BMPR1B: variants seen among roughly 807,000 people sequenced by gnomAD.
BMPR1B encodes bone morphogenetic protein receptor type-1B.
Under a neutral mutation model 59.1 loss-of-function variants are expected in BMPR1B, and 12 were observed. That is an observed-to-expected ratio of 0.20 (90% CI 0.13 to 0.33). BMPR1B has a LOEUF of 0.33. BMPR1B is among the 10% of genes least tolerant of loss of function. BMPR1B has a pLI of 1.00. For synonymous variants in BMPR1B, 237 were observed against 207.3 expected (o/e 1.14, Z -1.23); for missense variants, 550 against 610.9 (o/e 0.90, Z 1.05).
chr4:95,052,351 G>A (rs754278996), intron 3 of BMPR1B, among the ~76,000 whole-genome samples: 9 of 152,176 alleles, frequency 5.9e-5, no homozygotes, highest in Non-Finnish European at 1.2e-4. Context: ...TATAGAAAAT[G>A]TTAAAGCTTA....
At chr4:95,043,445 C>G (rs1725814653) in intron 3 of BMPR1B, among the ~76,000 whole-genome samples, 1 of 152,136 alleles carries the variant, frequency 6.6e-6, no homozygotes, top group African/African-American at 2.4e-5. Flanking sequence ...GAATTCTCTT[C>G]CTACTCTTTT....
At chr4:95,128,667 C>G (rs1330115330) in intron 8 of BMPR1B, among the ~76,000 whole-genome samples, 2 of 152,072 alleles carry the variant, frequency 1.3e-5, no homozygotes. Flanking sequence ...CTCTTATTAA[C>G]TTTTCTCTCT....
intron 2 of BMPR1B, among the ~76,000 whole-genome samples, chr4:94,982,859 C>T (rs1431117969): frequency 3.3e-5 from 5 of 151,974 alleles, no homozygotes; most frequent in African/African-American, 1.2e-4. Flanking sequence ...ATGGTGGGCG[C>T]CTGTAGTCCC....
chr4:94,900,487 A>G (rs1727769104), intron 2 of BMPR1B, among the ~76,000 whole-genome samples: 1 of 152,060 alleles, frequency 6.6e-6, no homozygotes, highest in African/African-American at 2.4e-5. Context: ...TGATGACTTC[A>G]GAAATTTTCA....
chr4:94,772,529 G>A (rs965268167), intron 1 of BMPR1B, among the ~76,000 whole-genome samples: 2 of 152,060 alleles, frequency 1.3e-5, no homozygotes, highest in African/African-American at 2.4e-5. Flanking sequence ...TGATATTACA[G>A]GTACTATCTG....
chr4:94,806,045 A>G (rs1436552589), intron 1 of BMPR1B, among the ~76,000 whole-genome samples: 2 of 152,176 alleles, frequency 1.3e-5, no homozygotes, highest in Non-Finnish European at 2.9e-5. Context: ...ATATATTGGA[A>G]TCCAGTGCAA....
At chr4:94,816,459 C>CG (rs1724015285) in intron 1 of BMPR1B, among the ~76,000 whole-genome samples, 1 of 152,140 alleles carries the variant, frequency 6.6e-6, no homozygotes, top group Non-Finnish European at 1.5e-5. Flanking sequence ...CCACTGCACC[C>CG]GGCCTTATGC....
intron 3 of BMPR1B, among the ~76,000 whole-genome samples, chr4:95,095,297 T>C (rs1012186523): frequency 6.6e-6 from 1 of 152,150 alleles, no homozygotes; most frequent in African/African-American, 2.4e-5. Flanking sequence ...CAGAGTTTTA[T>C]TCCTGTGTGA....
At chr4:95,085,712 A>G (rs1729522929) in intron 3 of BMPR1B, among the ~76,000 whole-genome samples, 1 of 152,174 alleles carries the variant, frequency 6.6e-6, no homozygotes, top group Non-Finnish European at 1.5e-5. Flanking sequence ...GCCAGTCTTG[A>G]TGTTGCAGCG....
chr4:95,068,219 A>G (rs962874496), intron 3 of BMPR1B, among the ~76,000 whole-genome samples: 1 of 152,076 alleles, frequency 6.6e-6, no homozygotes, highest in East Asian at 1.9e-4. Flanking sequence ...GAAAAGTAAC[A>G]TAATCGTATT....
intron 3 of BMPR1B, among the ~76,000 whole-genome samples, chr4:95,043,351 A>T (rs540864026): frequency 6.6e-6 from 1 of 152,264 alleles, no homozygotes; most frequent in South Asian, 2.1e-4. Context: ...TATAGAGGCA[A>T]TCTGGAGGGT....
chr4:94,955,707 G>GA (rs35826278), intron 2 of BMPR1B, among the ~76,000 whole-genome samples: 75,265 of 150,772 alleles, frequency 0.5, 19,158 homozygotes, highest in South Asian at 0.6. Flanking sequence ...TCGGCTCACT[G>GA]AAGCTCTGCC....
intron 2 of BMPR1B, among the ~76,000 whole-genome samples, chr4:94,908,493 C>T (rs1299913460): frequency 6.6e-6 from 1 of 151,862 alleles, no homozygotes; most frequent in Non-Finnish European, 1.5e-5. Flanking sequence ...AACTTCTAAG[C>T]AGTAGAGCTT....
chr4:95,059,320 ATGTG>A (rs1221661178), intron 3 of BMPR1B, among the ~76,000 whole-genome samples: 2 of 151,982 alleles, frequency 1.3e-5, no homozygotes, highest in East Asian at 3.8e-4. Flanking sequence ...TTATATATAT[ATGTG>A]TGTGTGTGTT....
At chr4:94,865,090 A>C (rs891720755) in intron 1 of BMPR1B, among the ~76,000 whole-genome samples, 6 of 150,872 alleles carry the variant, frequency 4.0e-5, no homozygotes, top group African/African-American at 1.5e-4. Flanking sequence ...GCTCACTGCA[A>C]CCTCCACCTC....
chr4:95,104,238 T>C (rs1289999685), intron 3 of BMPR1B, 170 bp from the exon 4 acceptor site: 1 of 721,096 alleles, frequency 1.4e-6, no homozygotes, highest in East Asian at 2.7e-5. Context: ...AGGTGTATAC[T>C]AGGTAAAAGA....
chr4:94,856,115 AAC>A (rs1725745865), intron 1 of BMPR1B, among the ~76,000 whole-genome samples: 1 of 152,208 alleles, frequency 6.6e-6, no homozygotes, highest in African/African-American at 2.4e-5. Context: ...TGGGGAAAAA[AAC>A]AGATTGTCTC....
At chr4:95,078,504 GA>G (rs1026724735) in intron 3 of BMPR1B, among the ~76,000 whole-genome samples, 2 of 152,156 alleles carry the variant, frequency 1.3e-5, no homozygotes, top group African/African-American at 4.8e-5. Flanking sequence ...ACAGCCATGT[GA>G]GAAGTAAATA....
intron 2 of BMPR1B, among the ~76,000 whole-genome samples, chr4:94,905,803 C>T (rs1728015651): frequency 6.6e-6 from 1 of 151,878 alleles, no homozygotes; most frequent in Non-Finnish European, 1.5e-5. Context: ...CCCTGTCTCT[C>T]TGATTTTCTT....
Sources: allele counts gnomAD v4.1 joint callset (sites outside exome capture counted in the v4.1 genomes callset), GRCh38; gene constraint gnomAD v4.1.1; transcripts MANE v1.5; gene names NCBI Gene and HGNC (gene_info 2026-07-23, HGNC 2026-07-21).